Variants in ARIH2 observed in about 807,000 individuals in gnomAD.
The protein encoded by ARIH2 is E3 ubiquitin-protein ligase ARIH2.
Under a neutral mutation model 79.8 loss-of-function variants are expected in ARIH2, and 12 were observed. The ratio of observed to expected loss-of-function variants is 0.15; its 90% CI spans 0.10 to 0.24. ARIH2 has a LOEUF of 0.24. Ranked by LOEUF, ARIH2 falls within the 10% of genes least tolerant of loss-of-function variation. ARIH2 has a pLI of 1.00. For missense variants in ARIH2, 301 were observed against 618.3 expected (o/e 0.49, Z 5.44); for synonymous variants, 224 against 213.9 (o/e 1.05, Z -0.41).
At chr3:48,958,055 G>A (rs1328491526) in intron 3 of ARIH2, among the ~76,000 whole-genome samples, 1 of 152,090 alleles carries the variant, frequency 6.6e-6, no homozygotes, top group African/African-American at 2.4e-5. Context: ...GTAAACTGAC[G>A]TAGGTTGGAA....
At chr3:48,950,193 T>G (rs913187574) in intron 3 of ARIH2, among the ~76,000 whole-genome samples, 1 of 152,298 alleles carries the variant, frequency 6.6e-6, no homozygotes, top group East Asian at 1.9e-4. Context: ...AAAAGACTTT[T>G]TTTCTCCATT....
Position 48,967,103 on chromosome 3 carries a change from ATGTGGCTC to A in ARIH2, c.388-18_388-11del. 1.2e-6 allele frequency: 2 copies of A among 1,611,646 alleles called. No homozygotes were observed. Among genetic ancestry groups the A allele is most frequent in the Non-Finnish European group, 1.7e-6 (2 of 1,178,328 alleles). On this transcript the variant is annotated splice_polypyrimidine_tract_variant and intron_variant, in intron 5 of 15. Transcript: ENST00000356401. ...TCTGGACCTGACTCCTCTTTGGCTCATGTGGCTCTGTTTCTCTCCAGGTTCCCACATCC... is the reference window on the plus strand; with the variant it reads ...TCTGGACCTGACTCCTCTTTGGCTCATGTTTCTCTCCAGGTTCCCACATCC...
At chr3:48,926,328 C>T (rs565767474) in intron 2 of ARIH2, among the ~76,000 whole-genome samples, 6 of 151,936 alleles carry the variant, frequency 3.9e-5, no homozygotes, top group Non-Finnish European at 5.9e-5. Context: ...AGTGCAGTGG[C>T]GCAATCTCAG....
At chr3:48,944,994 A>G (rs2107296642) in intron 3 of ARIH2, 18 of 562,292 alleles carry the variant, frequency 3.2e-5, no homozygotes, top group South Asian at 2.8e-4. Flanking sequence ...AGTGACCACT[A>G]GTGTTTGTTA....
chr3:48,977,085 C>T (rs1225206165), intron 11 of ARIH2, among the ~76,000 whole-genome samples: 1 of 151,882 alleles, frequency 6.6e-6, no homozygotes, highest in African/African-American at 2.4e-5. Flanking sequence ...TCCTGTAGTC[C>T]CAGCTATTCG....
chr3:48,968,398 T>TG (rs1453886131), intron 6 of ARIH2, 136 bp from the exon 7 acceptor site: 2 of 740,402 alleles, frequency 2.7e-6, no homozygotes, highest in Non-Finnish European at 2.2e-6. Context: ...TAGTAGAGAC[T>TG]GGGTTTCTCC....
At position 48,984,925 on chromosome 3, in the gene ARIH2, TC is replaced by T. The variant is rs2092865621; in HGVS notation, c.*1659del. 1 of 152,288 alleles carries T rather than the reference TC, an allele frequency of 6.6e-6. No individual in the cohort carries two copies. Among genetic ancestry groups the T allele is most frequent in the Non-Finnish European group, 1.5e-5 (1 of 68,098 alleles). The allele number at this position is 152,288 out of a possible 1,614,324, so 9.4% of individuals were successfully genotyped here. A position where few individuals can be genotyped will look rare whatever the true frequency, so the allele number is the denominator to read the frequency against. ...TCAGGTTTTGTCTCTTCCTGTGTTG[TC>T]CCCAGCAAGGGAGAGACTGTGGGGT... On this transcript the variant is annotated 3_prime_UTR_variant, in exon 16 of 16. Coordinates refer to ENST00000356401, the MANE Select transcript of ARIH2 (RefSeq NM_006321.4).
rs1200841128 is a variant in ARIH2 at position 48,927,441 on chromosome 3, AT to A, written c.-97-11del. 2.0e-3 allele frequency: 2,368 copies of A among 1,169,160 alleles called. No homozygotes were observed. Among genetic ancestry groups the A allele is most frequent in the Non-Finnish European group, 2.3e-3 (1,992 of 850,304 alleles). 72.4% of individuals were successfully genotyped at this position (1,169,160 alleles called of 1,614,324 possible). On this transcript the variant is annotated intron_variant, in intron 2 of 15. Coordinates refer to ENST00000356401, the MANE Select transcript of ARIH2 (RefSeq NM_006321.4). Reference sequence around the variant, plus strand: ...TTGTCATGGGGAAAAAGTAACACTTATTTTTTTTTTCCTCCCTTAGAAGACA... The same window carrying A: ...TTGTCATGGGGAAAAAGTAACACTTATTTTTTTTTCCTCCCTTAGAAGACA...
chr3:48,935,457 A>G (rs1191726198), intron 3 of ARIH2, among the ~76,000 whole-genome samples: 9 of 152,160 alleles, frequency 5.9e-5, no homozygotes, highest in Non-Finnish European at 2.9e-5. Flanking sequence ...GTGAGTACCT[A>G]TGTATTACAG....
intron 3 of ARIH2, among the ~76,000 whole-genome samples, chr3:48,953,011 C>T (rs2090145899): frequency 6.6e-6 from 1 of 151,964 alleles, no homozygotes; most frequent in Non-Finnish European, 1.5e-5. Flanking sequence ...CTCACTGCAA[C>T]CTCTGCTTCT....
rs990281267 is a variant in ARIH2, at chr3:48,919,178, C to T, written c.-162+180C>T. 2.3e-6 allele frequency: 3 copies of T among 1,297,882 alleles called. No homozygotes were observed. The highest frequency in any genetic ancestry group is 3.0e-4 in the Middle Eastern group (1 of 3,340). 80.4% of individuals were successfully genotyped at this position (1,297,882 alleles called of 1,614,324 possible). A position where few individuals can be genotyped will look rare whatever the true frequency, so the allele number is the denominator to read the frequency against. ...CCGCCGTCAGCGGCCGGGCGCCCAG[C>T]GTGTGTCTGCCTTTTTTCCTCCCGC... On this transcript the variant is annotated intron_variant, in intron 1 of 15. Transcript: ENST00000356401.
intron 2 of ARIH2, chr3:48,925,118 CTT>C (rs767718868): frequency 5.0e-5 from 7 of 139,900 alleles, no homozygotes; most frequent in Admixed American, 1.4e-4. Context: ...TTCTTTTTTT[CTT>C]TTTTTTTTTT....
intron 7 of ARIH2, among the ~76,000 whole-genome samples, chr3:48,968,890 CTT>C (rs915279111): frequency 8.5e-5 from 13 of 152,050 alleles, no homozygotes; most frequent in East Asian, 1.9e-4. Context: ...TGTGACCACT[CTT>C]TTTTTTGCGT....
rs1239405679 is a variant in ARIH2, at chr3:48,920,988, G to A, written c.-161-1760G>A. ...TTATTTATTTTTATTTTTGAGTCCC[G>A]CTCTGTCTCTCAGGCTGGAGTGCAG... On this transcript the variant is annotated intron_variant, in intron 1 of 15. Transcript: ENST00000356401. Among the ~76,000 whole-genome samples, 3 of 71,572 alleles carry A rather than the reference G, an allele frequency of 4.2e-5. 1 individual carries two copies. The highest frequency in any genetic ancestry group is 1.3e-4 in the African/African-American group (3 of 23,022). The allele number at this position is 71,572 out of a possible 152,430, so 47.0% of individuals were successfully genotyped here.
chr3:48,939,486 G>C (rs1018774451), intron 3 of ARIH2, among the ~76,000 whole-genome samples: 1 of 151,696 alleles, frequency 6.6e-6, no homozygotes. Flanking sequence ...AGCTGGGCGC[G>C]GTGACTCACG....
At chr3:48,944,156 G>A (rs1275513331) in intron 3 of ARIH2, among the ~76,000 whole-genome samples, 1 of 152,070 alleles carries the variant, frequency 6.6e-6, no homozygotes, top group African/African-American at 2.4e-5. Context: ...TATGCTGGCT[G>A]GGATTTACTT....
intron 3 of ARIH2, among the ~76,000 whole-genome samples, chr3:48,954,885 A>G (rs757737892): frequency 7.9e-4 from 121 of 152,308 alleles, no homozygotes; most frequent in Non-Finnish European, 9.3e-4. Flanking sequence ...TCCTCAGTTA[A>G]TGTTTCTAGA....
At chr3:48,968,271 G>C (rs2091940403) in intron 6 of ARIH2, 1 of 268,906 alleles carries the variant, frequency 3.7e-6, no homozygotes, top group South Asian at 3.6e-5. Flanking sequence ...GCAGTGGCGG[G>C]ATCTCGGCTC....
chr3:48,985,538 A>G lies in ARIH2; in HGVS notation c.*2268A>G, dbSNP rs2092883989. ...AATAAACTGTAAGTTTCTGATTATAAAAATGTGTCTAGAGTCTTTCTTCAT... is the reference window on the plus strand; with the variant it reads ...AATAAACTGTAAGTTTCTGATTATAGAAATGTGTCTAGAGTCTTTCTTCAT... On this transcript the variant is annotated 3_prime_UTR_variant, in exon 16 of 16. Coordinates refer to ENST00000356401, the MANE Select transcript of ARIH2 (RefSeq NM_006321.4). 6.6e-6 allele frequency: 1 copy of G among 152,222 alleles called. No homozygotes were observed. Among genetic ancestry groups the G allele is most frequent in the Non-Finnish European group, 1.5e-5 (1 of 68,042 alleles). The allele number at this position is 152,222 out of a possible 1,614,324, so 9.4% of individuals were successfully genotyped here.
Sources: gnomAD v4.1 joint callset for allele counts (sites outside exome capture counted in the v4.1 genomes callset) on GRCh38, gnomAD v4.1.1 for gene constraint, MANE v1.5 for transcripts, NCBI Gene and HGNC (gene_info 2026-07-23, HGNC 2026-07-21) for gene names.